TCF7L1: variants seen among roughly 807,000 people sequenced by gnomAD.
TCF7L1 encodes the protein transcription factor 7 like 1.
Under a neutral mutation model 63.7 loss-of-function variants are expected in TCF7L1, and 18 were observed. That is an observed-to-expected ratio of 0.28 (90% CI 0.20 to 0.42). TCF7L1 has a LOEUF of 0.42. TCF7L1 is among the 10% of genes least tolerant of loss of function. The pLI, the probability that TCF7L1 is intolerant of heterozygous loss-of-function variation, is 1.00. For synonymous variants in TCF7L1, 355 were observed against 340.9 expected (o/e 1.04, Z -0.46); for missense variants, 654 against 779.3 (o/e 0.84, Z 1.91).
intron 3 of TCF7L1, among the ~76,000 whole-genome samples, chr2:85,201,047 T>G (rs1193599773): frequency 6.6e-6 from 1 of 151,870 alleles, no homozygotes; most frequent in Non-Finnish European, 1.5e-5. Context: ...CTAAAAAATA[T>G]AAAAAATTAG....
chr2:85,262,254 A>T (rs778505227), intron 3 of TCF7L1: 190 of 520,348 alleles, frequency 3.7e-4, no homozygotes, highest in Non-Finnish European at 6.6e-4. Context: ...GTATCTGAAG[A>T]TGAGGTTGAT....
At chr2:85,164,146 C>T (rs1678355142) in intron 3 of TCF7L1, among the ~76,000 whole-genome samples, 1 of 152,146 alleles carries the variant, frequency 6.6e-6, no homozygotes, top group African/African-American at 2.4e-5. Flanking sequence ...CTCTCACCCT[C>T]AAATTGCTCA....
chr2:85,171,588 A>G (rs555516629), intron 3 of TCF7L1, among the ~76,000 whole-genome samples: 113 of 152,336 alleles, frequency 7.4e-4, no homozygotes, highest in African/African-American at 2.5e-3. Context: ...GGGAAAGCCA[A>G]TCCTCTTCAA....
chr2:85,167,960 A>G (rs1678458805), intron 3 of TCF7L1, among the ~76,000 whole-genome samples: 1 of 152,188 alleles, frequency 6.6e-6, no homozygotes, highest in Non-Finnish European at 1.5e-5. Context: ...TAGTCACAGG[A>G]CAAATATTGT....
intron 3 of TCF7L1, among the ~76,000 whole-genome samples, chr2:85,155,809 C>T (rs1345548548): frequency 6.6e-6 from 1 of 152,016 alleles, no homozygotes; most frequent in African/African-American, 2.4e-5. Context: ...GGCCCGTCTG[C>T]ACCCCACTCT....
At chr2:85,215,968 C>T (rs1679693666) in intron 3 of TCF7L1, among the ~76,000 whole-genome samples, 1 of 152,030 alleles carries the variant, frequency 6.6e-6, no homozygotes. Flanking sequence ...TTTTTGTGGT[C>T]AAATTAGGGT....
At chr2:85,307,757 T>C (rs777216656) in intron 11 of TCF7L1, 40 bp downstream of exon 11, 1 of 1,578,708 alleles carries the variant, frequency 6.3e-7, no homozygotes, top group Non-Finnish European at 8.7e-7. Context: ...TGCTTTTCCT[T>C]TTGTCACAGC....
In TCF7L1 at chr2:85,283,102, A is replaced by G. The variant is rs574650198; in HGVS notation, c.442-393A>G. Among the ~76,000 whole-genome samples the G allele has an allele frequency of 1.9e-3, 292 of 152,158 alleles. 2 individuals carry two copies. Among genetic ancestry groups the G allele is most frequent in the African/African-American group, 6.4e-3 (264 of 41,486 alleles). On this transcript the variant is annotated intron_variant, in intron 3 of 11. Coordinates refer to ENST00000282111, the MANE Select transcript of TCF7L1 (RefSeq NM_031283.3). ...TGGAAATGGATGGGGCAGGATGGCCATCTGGGAGCCTCTGCCTCCTTGGTC... is the reference window on the plus strand; with the variant it reads ...TGGAAATGGATGGGGCAGGATGGCCGTCTGGGAGCCTCTGCCTCCTTGGTC...
rs148853346 is a variant in TCF7L1, at chr2:85,140,088, G to A, written c.441+5638G>A. Among the ~76,000 whole-genome samples the A allele has an allele frequency of 9.3e-4, 141 of 152,256 alleles. 4 individuals are homozygous for A. The South Asian group carries it at 0.028, about 30-fold the overall frequency. On this transcript the variant is annotated intron_variant, in intron 3 of 11. Transcript: ENST00000282111. ...TAGGATTCTTGTCTGTACCTCTTTG[G>A]GGAGGGGAGGTACCAGATCCAGAAA...
chr2:85,272,918 G>A (rs539738704), intron 3 of TCF7L1, among the ~76,000 whole-genome samples: 9 of 152,362 alleles, frequency 5.9e-5, no homozygotes, highest in Non-Finnish European at 1.2e-4. Flanking sequence ...ATGTCATGTG[G>A]CAGTTCAAAA....
chr2:85,203,045 C>A (rs1679312094), intron 3 of TCF7L1, among the ~76,000 whole-genome samples: 1 of 152,100 alleles, frequency 6.6e-6, no homozygotes, highest in Admixed American at 6.5e-5. Flanking sequence ...CCATGTTAGC[C>A]AGGATGGTCT....
At position 85,309,202 on chromosome 2, in the gene TCF7L1, C is replaced by A. The variant is rs1173776280; in HGVS notation, c.1507C>A (p.Leu503Ile). Residue 503 changes from leucine (L) to isoleucine (I), a missense_variant, in exon 12 of 12, where the codon CTC becomes ATC. By Grantham distance (5) the Leu-to-Ile change is conservative (BLOSUM62 2). Transcript: ENST00000282111. ...AATHSEQAQP[L>I]SLTTKPETRA... ...CACCCATTCGGAGCAAGCCCAGCCCCTCTCCCTCACCACCAAACCAGAAAC... is the reference window on the plus strand; with the variant it reads ...CACCCATTCGGAGCAAGCCCAGCCCATCTCCCTCACCACCAAACCAGAAAC... 2 of 1,614,004 alleles carry A rather than the reference C, an allele frequency of 1.2e-6. No individual in the cohort carries two copies. Among genetic ancestry groups the A allele is most frequent in the African/African-American group, 2.7e-5 (2 of 74,898 alleles).
chr2:85,234,131 C>CTTT (rs35508338), intron 3 of TCF7L1, among the ~76,000 whole-genome samples: 46 of 65,206 alleles, frequency 7.1e-4, no homozygotes, highest in African/African-American at 1.5e-3. Flanking sequence ...TTTTTCTTTT[C>CTTT]TTTTTTTTTT....
rs536872652 is a variant in TCF7L1, at chr2:85,165,291, C to T, written c.441+30841C>T. 3.9e-5 allele frequency among the ~76,000 whole-genome samples: 6 copies of T among 152,298 alleles called. No individual in the cohort carries two copies. In the South Asian group the frequency reaches 6.2e-4, roughly 16 times the overall value. On this transcript the variant is annotated intron_variant, in intron 3 of 11. Coordinates refer to ENST00000282111, the MANE Select transcript of TCF7L1 (RefSeq NM_031283.3). The stretch of plus-strand genomic sequence containing the variant: ...GCTGCCGTGTGTGTGCACACATGTG[C>T]GCCTGTGTAGACTACGGCTTGCCTT...
At chr2:85,214,271 G>A (rs570719925) in intron 3 of TCF7L1, among the ~76,000 whole-genome samples, 120 of 152,324 alleles carry the variant, frequency 7.9e-4, no homozygotes, top group African/African-American at 2.8e-3. Context: ...TTCGATTACC[G>A]GGTGATGCTC....
At chr2:85,269,080 G>C (rs1224988497) in intron 3 of TCF7L1, among the ~76,000 whole-genome samples, 3 of 146,688 alleles carry the variant, frequency 2.0e-5, no homozygotes, top group African/African-American at 7.7e-5. Flanking sequence ...GAAGCAATTT[G>C]GGAAGACAAT....
At chr2:85,285,994 C>T (rs1319359116) in intron 4 of TCF7L1, among the ~76,000 whole-genome samples, 3 of 151,672 alleles carry the variant, frequency 2.0e-5, no homozygotes, top group Non-Finnish European at 2.9e-5. Flanking sequence ...GAGTTCGAGA[C>T]CAGCCTGACC....
chr2:85,306,066 C>T lies in TCF7L1; in HGVS notation c.990-140C>T. 1.1e-6 allele frequency: 1 copy of T among 909,932 alleles called. No individual in the cohort carries two copies. The highest frequency in any genetic ancestry group is 1.7e-6 in the Non-Finnish European group (1 of 593,300). The allele number at this position is 909,932 out of a possible 1,614,324, so 56.4% of individuals were successfully genotyped here. The stretch of plus-strand genomic sequence containing the variant: ...GAGGAAGGTACTCAGGTGTTGAGTG[C>T]AGCCATGGGGCCACTTGAATTAGCA... On this transcript the variant is annotated intron_variant, in intron 8 of 11. Coordinates refer to ENST00000282111, the MANE Select transcript of TCF7L1 (RefSeq NM_031283.3). This position sits in a 1 kb window ranked among gnomAD's most constrained non-coding sequence, Gnocchi z 4.3.
intron 3 of TCF7L1, among the ~76,000 whole-genome samples, chr2:85,185,198 A>G (rs1001390021): frequency 6.6e-6 from 1 of 152,134 alleles, no homozygotes; most frequent in African/African-American, 2.4e-5. Context: ...CGTAATAACC[A>G]GCCTGTATTG....
Sources: gnomAD v4.1 joint callset for allele counts (sites outside exome capture counted in the v4.1 genomes callset) on GRCh38, gnomAD v4.1.1 for gene constraint, Gnocchi (gnomAD v3.1) non-coding constraint, MANE v1.5 for transcripts, NCBI Gene and HGNC (gene_info 2026-07-23, HGNC 2026-07-21) for gene names.